Variants in ABCC1 observed in about 807,000 individuals in gnomAD.
The protein encoded by ABCC1 is ATP binding cassette subfamily C member 1 (ABCC1 blood group).
Under a neutral mutation model 172.9 loss-of-function variants are expected in ABCC1, and 83 were observed. The observed-to-expected ratio is 0.48, with a 90% CI of 0.40 to 0.58. ABCC1 has a LOEUF of 0.58. Among genes scored for constraint, ABCC1 ranks in the 20% least tolerant of loss-of-function variants. ABCC1 has a pLI of 0.00. For missense variants in ABCC1, 1,817 were observed against 2,002.7 expected, an observed-to-expected ratio of 0.91 and a Z score of 1.77; for synonymous variants, 937 against 825.2, an observed-to-expected ratio of 1.14 and a Z score of -2.32.
chr16:16,104,654 C>T lies in ABCC1; in HGVS notation c.2735+1937C>T, dbSNP rs184614090. Among the ~76,000 whole-genome samples, 632 of 152,320 alleles carry T rather than the reference C, an allele frequency of 4.1e-3. 9 individuals carry two copies. The highest frequency in any genetic ancestry group is 0.015 in the African/African-American group (603 of 41,580). On this transcript the variant is annotated intron_variant, in intron 20 of 30. Transcript: ENST00000399410. ...TGCAGGTGGAGCTGCCTGCCAGTCC[C>T]GTGCCGTGCGCCCTCACTCCTCAGC... is the stretch of plus-strand genomic sequence containing the variant.
chr16:16,063,360 G>A (rs1185844290), intron 12 of ABCC1, among the ~76,000 whole-genome samples: 4 of 152,066 alleles, frequency 2.6e-5, no homozygotes, highest in African/African-American at 4.8e-5. Context: ...CGCCCACCTC[G>A]GCCTCCCAAA....
chr16:16,039,241 G>A (rs1345321214), intron 7 of ABCC1, among the ~76,000 whole-genome samples: 5 of 107,190 alleles, frequency 4.7e-5, no homozygotes, highest in Admixed American at 9.1e-5. Context: ...GTGTATGTAT[G>A]TGTGTGTGTG....
At chr16:16,132,836 A>G (rs11075298) in intron 27 of ABCC1, among the ~76,000 whole-genome samples, 3,552 of 152,212 alleles carry the variant, frequency 0.023, 114 homozygotes, top group African/African-American at 0.074. Flanking sequence ...AGAAATTTGA[A>G]TAAGTTGCAA....
chr16:16,052,392 G>A (rs2049466891), intron 10 of ABCC1, among the ~76,000 whole-genome samples: 1 of 151,782 alleles, frequency 6.6e-6, no homozygotes, highest in Non-Finnish European at 1.5e-5. Flanking sequence ...AATAGCCACT[G>A]TACTGCAGCC....
intron 1 of ABCC1, among the ~76,000 whole-genome samples, chr16:15,999,407 G>C (rs2047168021): frequency 6.6e-6 from 1 of 151,898 alleles, no homozygotes; most frequent in Non-Finnish European, 1.5e-5. Context: ...CCTGAGGTTG[G>C]GAGTTCCAGG....
At chr16:15,979,465 A>G (rs555838155) in intron 1 of ABCC1, among the ~76,000 whole-genome samples, 1 of 152,266 alleles carries the variant, frequency 6.6e-6, no homozygotes, top group South Asian at 2.1e-4. Flanking sequence ...AAAATTGCGT[A>G]TAGCCAAAAT....
At chr16:15,972,013 G>A (rs1428650621) in intron 1 of ABCC1, among the ~76,000 whole-genome samples, 1 of 152,180 alleles carries the variant, frequency 6.6e-6, no homozygotes, top group Non-Finnish European at 1.5e-5. Flanking sequence ...AAAATAACAT[G>A]CGTTGAGGTC....
intron 14 of ABCC1, 36 bp from the exon 15 acceptor site, chr16:16,076,290 C>G (rs1395676598): frequency 1.2e-6 from 2 of 1,605,528 alleles, no homozygotes; most frequent in Non-Finnish European, 1.7e-6. Flanking sequence ...AGTCGCACAG[C>G]TCAGCCTGTC....
intron 1 of ABCC1, among the ~76,000 whole-genome samples, chr16:15,954,560 G>A (rs999511612): frequency 1.7e-5 from 1 of 58,684 alleles, no homozygotes; most frequent in Non-Finnish European, 4.1e-5. Flanking sequence ...CTGGGCAGGA[G>A]TGGACTCAGG....
At position 16,124,737 on chromosome 16, in the gene ABCC1, C is replaced by T. The variant is rs961227327; in HGVS notation, c.3591-52C>T. ...CTCCCCCAAGAGCTGTAAGCCAAGTCTCTGTAGAGCTGACTCCATGCCTGT... is the reference window on the plus strand; with the variant it reads ...CTCCCCCAAGAGCTGTAAGCCAAGTTTCTGTAGAGCTGACTCCATGCCTGT... On this transcript the variant is annotated intron_variant, in intron 24 of 30. Transcript: ENST00000399410. 4.2e-5 allele frequency: 67 copies of T among 1,612,108 alleles called. No homozygotes were observed. The Middle Eastern group carries it at 7.4e-4, about 18-fold the overall frequency.
rs924222774 is a variant in ABCC1, at chr16:16,134,416, G to A, written c.4033G>A (p.Glu1345Lys). The A allele has an allele frequency of 6.2e-7, 1 of 1,614,116 alleles. No individual in the cohort carries two copies. Among genetic ancestry groups the A allele is most frequent in the Non-Finnish European group, 8.5e-7 (1 of 1,180,028 alleles). Residue 1345 changes from glutamate (E) to lysine (K), a missense_variant, in exon 28 of 31, where the codon GAG becomes AAG. This residue lies in a region of ABCC1 where 1,412 missense variants were observed against 1,600.3 expected (regional missense o/e 0.88). Transcript: ENST00000399410. ...SLTLGLFRIN[E>K]SAEGEIIIDG... is the part of the protein sequence containing the mutation. Reference sequence around the variant, plus strand: ...GACCCTGGGCTTATTTCGGATCAACGAGTCTGCCGAAGGAGAGATCATCAT... The same window carrying A: ...GACCCTGGGCTTATTTCGGATCAACAAGTCTGCCGAAGGAGAGATCATCAT...
chr16:16,005,497 G>A (rs1026958504), intron 1 of ABCC1, among the ~76,000 whole-genome samples: 3 of 152,034 alleles, frequency 2.0e-5, no homozygotes, highest in African/African-American at 4.8e-5. Context: ...ACAGGCATGC[G>A]CCACCATGCC....
At chr16:16,007,059 G>A (rs1040220089) in intron 1 of ABCC1, among the ~76,000 whole-genome samples, 2 of 152,070 alleles carry the variant, frequency 1.3e-5, no homozygotes, top group Non-Finnish European at 2.9e-5. Flanking sequence ...AGGGCTCTTC[G>A]GTTATAAGAG....
rs981468190 is a variant in ABCC1, at chr16:16,134,340, T to A, written c.3967-10T>A. The A allele has an allele frequency of 3.7e-6, 6 of 1,613,926 alleles. No homozygotes were observed. The highest frequency in any genetic ancestry group is 5.1e-6 in the Non-Finnish European group (6 of 1,180,024). Reference sequence around the variant, plus strand: ...CATTCCCACCACACCTGGGCCCTTCTGTCCTGCAGGTCGGCATCGTGGGGC... The same window carrying A: ...CATTCCCACCACACCTGGGCCCTTCAGTCCTGCAGGTCGGCATCGTGGGGC... On this transcript the variant is annotated splice_polypyrimidine_tract_variant and intron_variant, in intron 27 of 30. Coordinates refer to ENST00000399410, the MANE Select transcript of ABCC1 (RefSeq NM_004996.4).
intron 14 of ABCC1, among the ~76,000 whole-genome samples, chr16:16,073,809 C>G (rs1037431389): frequency 6.6e-6 from 1 of 152,188 alleles, no homozygotes; most frequent in Admixed American, 6.5e-5. Flanking sequence ...CCTGTGGCTA[C>G]CCAGGTACGA....
At chr16:16,120,320 C>CT (rs1304924055) in intron 23 of ABCC1, among the ~76,000 whole-genome samples, 1 of 152,206 alleles carries the variant, frequency 6.6e-6, no homozygotes, top group African/African-American at 2.4e-5. Flanking sequence ...TCACCAGTTC[C>CT]TTTTGCGTAG....
At chr16:16,075,751 G>C (rs1340727670) in intron 14 of ABCC1, among the ~76,000 whole-genome samples, 1 of 152,190 alleles carries the variant, frequency 6.6e-6, no homozygotes, top group Admixed American at 6.5e-5. Flanking sequence ...TTATCGTGAT[G>C]GATGTTTTAG....
At chr16:16,053,649 T>G (rs902279885) in intron 11 of ABCC1, among the ~76,000 whole-genome samples, 2 of 151,312 alleles carry the variant, frequency 1.3e-5, no homozygotes, top group African/African-American at 4.9e-5. Context: ...TAGCTGCATG[T>G]GGTGATGCGT....
Position 16,112,744 on chromosome 16 carries a change from A to G in ABCC1, c.3079+1162A>G, listed in dbSNP as rs932121179. 3.0e-4 allele frequency among the ~76,000 whole-genome samples: 46 copies of G among 152,246 alleles called. 2 individuals carry two copies. ...GTTTGCAAATACACATGTATGGTCCATATGATATATACACAGTAAATGGAT... is the reference window on the plus strand; with the variant it reads ...GTTTGCAAATACACATGTATGGTCCGTATGATATATACACAGTAAATGGAT... On this transcript the variant is annotated intron_variant, in intron 22 of 30. Coordinates refer to ENST00000399410, the MANE Select transcript of ABCC1 (RefSeq NM_004996.4).
Sources: gnomAD v4.1 joint callset for allele counts (sites outside exome capture counted in the v4.1 genomes callset) on GRCh38, gnomAD v4.1.1 for gene constraint, gnomAD v4.1.1 regional missense constraint, MANE v1.5 for transcripts, NCBI Gene and HGNC (gene_info 2026-07-23, HGNC 2026-07-21) for gene names.